DSC2: variants seen among roughly 807,000 people sequenced by gnomAD.
The protein encoded by DSC2 is desmocollin-2.
A neutral mutation model predicts 87.6 loss-of-function variants in DSC2; 51 were observed. The observed-to-expected ratio is 0.58, with a 90% CI of 0.46 to 0.74. The LOEUF (loss-of-function observed/expected upper bound fraction) is 0.74. Among genes scored for constraint, DSC2 ranks in the 30% least tolerant of loss-of-function variants. The pLI, the probability that DSC2 is intolerant of heterozygous loss-of-function variation, is 0.00. For synonymous variants in DSC2, 383 were observed against 393.2 expected, an observed-to-expected ratio of 0.97 and a Z score of 0.31; for missense variants, 1,066 against 1,089.5, an observed-to-expected ratio of 0.98 and a Z score of 0.30.
Position 31,078,063 on chromosome 18 carries a change from G to C in DSC2, c.1663+1784C>G, listed in dbSNP as rs1442783161. ...GCCTTGAGAGAGAGTTTTAAAAAGAGGAAGCAATTGCTGCGGAGATGTAGG... is the reference window on the plus strand; with the variant it reads ...GCCTTGAGAGAGAGTTTTAAAAAGACGAAGCAATTGCTGCGGAGATGTAGG... On this transcript the variant is annotated intron_variant, in intron 11 of 15. Transcript: ENST00000280904. Among the ~76,000 whole-genome samples, 4 of 152,114 alleles carry C rather than the reference G, an allele frequency of 2.6e-5. No homozygotes were observed. In the East Asian group the frequency reaches 7.7e-4, roughly 29 times the overall value.
chr18:31,099,105 A>G (rs1987853258), intron 1 of DSC2, among the ~76,000 whole-genome samples: 1 of 152,244 alleles, frequency 6.6e-6, no homozygotes, highest in Non-Finnish European at 1.5e-5. Context: ...CACAGTCAGT[A>G]GAGTGATACA....
chr18:31,069,350 A>G (rs1253052774), intron 14 of DSC2, among the ~76,000 whole-genome samples, 199 bp from the exon 15 acceptor site: 1 of 152,188 alleles, frequency 6.6e-6, no homozygotes, highest in Non-Finnish European at 1.5e-5. Flanking sequence ...TAGCCACACA[A>G]GCAAACTGTC....
At chr18:31,089,076 G>C (rs771066268) in intron 5 of DSC2, among the ~76,000 whole-genome samples, 1 of 148,440 alleles carries the variant, frequency 6.7e-6, no homozygotes, top group African/African-American at 2.5e-5. Context: ...AAGGTGGGAG[G>C]ATCACTTGAA....
At position 31,071,664 on chromosome 18, in the gene DSC2, C is replaced by T; in HGVS notation, c.2066G>A (p.Gly689Glu). ...HRVDPRIGGG[G>E]VQLGKWAILA... ...GATGGCCCACTTTCCAAGTTGTACT[C>T]CTCCACCGCCAATCCTTGGATCTAC... The change falls in exon 13 of 16, where the codon GGA (glycine) becomes GAA (glutamate). Residue 689 changes from glycine (G) to glutamate (E), a missense_variant. Gly to Glu is a moderately conservative substitution (Grantham distance 98). Coordinates refer to ENST00000280904, the MANE Select transcript of DSC2 (RefSeq NM_024422.6). 1 of 1,596,878 alleles carries T rather than the reference C, an allele frequency of 6.3e-7. No homozygotes were observed. Among genetic ancestry groups the T allele is most frequent in the Non-Finnish European group, 8.5e-7 (1 of 1,172,720 alleles).
At chr18:31,091,879 T>A (rs947846093) in intron 3 of DSC2, among the ~76,000 whole-genome samples, 8 of 152,154 alleles carry the variant, frequency 5.3e-5, no homozygotes, top group African/African-American at 1.9e-4. Flanking sequence ...CTGTACCTTA[T>A]CCCAATTTCT....
intron 11 of DSC2, among the ~76,000 whole-genome samples, chr18:31,076,997 A>G (rs1489171486): frequency 2.6e-5 from 4 of 152,188 alleles, no homozygotes; most frequent in African/African-American, 9.7e-5. Flanking sequence ...TCACTTAAGT[A>G]TGAGGCCAAT....
In DSC2 at chr18:31,089,584, T is replaced by A; in HGVS notation, c.485A>T (p.Asp162Val). Residue 162 changes from aspartate (D) to valine (V), a missense_variant, in exon 5 of 16, where the codon GAC becomes GTC. Asp to Val is a radical substitution (Grantham distance 152). Coordinates refer to ENST00000280904, the MANE Select transcript of DSC2 (RefSeq NM_024422.6). ...FPLFLQQVQS[D>V]TAQNYTIYYS... is the part of the protein sequence containing the mutation. ...GTATATGGTATAGTTTTGGGCCGTGTCAGATTGAACCTAGAAAGTAGATAT... is the reference window on the plus strand; with the variant it reads ...GTATATGGTATAGTTTTGGGCCGTGACAGATTGAACCTAGAAAGTAGATAT... 3 of 1,613,826 alleles carry A rather than the reference T, an allele frequency of 1.9e-6. No individual in the cohort carries two copies. In the South Asian group the frequency reaches 3.3e-5, roughly 18 times the overall value.
intron 1 of DSC2, 100 bp from the exon 2 acceptor site, chr18:31,093,743 TA>T (rs1254440195): frequency 4.9e-6 from 2 of 411,670 alleles, no homozygotes; most frequent in African/African-American, 4.4e-5. Context: ...GATATACACA[TA>T]AAAAGGCATA....
rs142603907 is a variant in DSC2 at position 31,084,487 on chromosome 18, G to A, written c.943-1427C>T. 5.5e-4 allele frequency among the ~76,000 whole-genome samples: 84 copies of A among 152,204 alleles called. 1 individual carries two copies. Among genetic ancestry groups the A allele is most frequent in the Middle Eastern group, 6.8e-3 (2 of 294 alleles). On this transcript the variant is annotated intron_variant, in intron 7 of 15. Coordinates refer to ENST00000280904, the MANE Select transcript of DSC2 (RefSeq NM_024422.6). ...TTCTGATGTTTAAAGGGACTAAAAGGTTGTAGGCAACTGAAGAAAACCGGA... is the reference window on the plus strand; with the variant it reads ...TTCTGATGTTTAAAGGGACTAAAAGATTGTAGGCAACTGAAGAAAACCGGA...
rs78190086 is a variant in DSC2, at chr18:31,067,878, T to G, written c.*137A>C. 108 of 799,264 alleles carry G rather than the reference T, an allele frequency of 1.4e-4. No homozygotes were observed. The highest frequency in any genetic ancestry group is 1.9e-4 in the Non-Finnish European group (97 of 497,574). 49.5% of individuals were successfully genotyped at this position (799,264 alleles called of 1,614,324 possible). Reference sequence around the variant, plus strand: ...ATAGTGTCTCTCTGTAAATGTGCATTTGACCAAAGAGATTCCATCCAAATA... The same window carrying G: ...ATAGTGTCTCTCTGTAAATGTGCATGTGACCAAAGAGATTCCATCCAAATA... On this transcript the variant is annotated 3_prime_UTR_variant, in exon 16 of 16. Transcript: ENST00000280904.
chr18:31,076,609 A>G (rs1987024680), intron 11 of DSC2, among the ~76,000 whole-genome samples: 1 of 152,206 alleles, frequency 6.6e-6, no homozygotes, highest in South Asian at 2.1e-4. Flanking sequence ...AGTAGAAAAT[A>G]AACAGCAACA....
At chr18:31,100,581 G>T (rs1987907707) in intron 1 of DSC2, among the ~76,000 whole-genome samples, 1 of 152,170 alleles carries the variant, frequency 6.6e-6, no homozygotes, top group Non-Finnish European at 1.5e-5. Flanking sequence ...TTAAGGGTTT[G>T]AAGTCCATTG....
intron 9 of DSC2, among the ~76,000 whole-genome samples, chr18:31,081,822 TATG>T (rs1395596533): frequency 6.6e-6 from 1 of 152,114 alleles, no homozygotes; most frequent in African/African-American, 2.4e-5. Flanking sequence ...ATATACTGAA[TATG>T]ATGAACAAAC....
chr18:31,091,295 C>T (rs1331991077), intron 3 of DSC2, 148 bp from the exon 4 acceptor site: 4 of 845,862 alleles, frequency 4.7e-6, no homozygotes. Context: ...TAATCATCAA[C>T]ACTGCAAAAA....
At chr18:31,074,469 T>TGTGTGTGTG (rs1555637959) in intron 12 of DSC2, among the ~76,000 whole-genome samples, 4 of 94,508 alleles carry the variant, frequency 4.2e-5, no homozygotes, top group Non-Finnish European at 4.6e-5. Flanking sequence ...GTGTGTGTGT[T>TGTGTGTGTG]TGGAGTAGGA....
In DSC2 at chr18:31,102,107, G is replaced by A; in HGVS notation, c.-136C>T. On this transcript the variant is annotated 5_prime_UTR_variant, in exon 1 of 16. Transcript: ENST00000280904. ...GCGAGGCGGAGGAGGTGGGGCGCGC[G>A]GAGAGGTGCTTTTCTTAGCTTCTCT... 2 of 694,702 alleles carry A rather than the reference G, an allele frequency of 2.9e-6. No homozygotes were observed. The highest frequency in any genetic ancestry group is 3.4e-5 in the East Asian group (1 of 29,616). 43.0% of individuals were successfully genotyped at this position (694,702 alleles called of 1,614,324 possible). A position where few individuals can be genotyped will look rare whatever the true frequency, so the allele number is the denominator to read the frequency against.
At chr18:31,089,682 ATTAGT>A in intron 4 of DSC2, 88 bp from the exon 5 acceptor site, 3 of 1,262,862 alleles carry the variant, frequency 2.4e-6, no homozygotes, top group Non-Finnish European at 3.3e-6. Flanking sequence ...TTGCCATTTT[ATTAGT>A]TTAAATAATT....
intron 7 of DSC2, among the ~76,000 whole-genome samples, chr18:31,084,678 T>TTTC: frequency 6.6e-6 from 1 of 151,840 alleles, no homozygotes; most frequent in Non-Finnish European, 1.5e-5. Flanking sequence ...TTTTTTTTTT[T>TTTC]CCATAGAATG....
intron 14 of DSC2, among the ~76,000 whole-genome samples, chr18:31,069,769 C>T (rs1986765690): frequency 6.6e-6 from 1 of 151,030 alleles, no homozygotes; most frequent in South Asian, 2.1e-4. Flanking sequence ...TTCTTCAATC[C>T]TTCCTACATC....
Sources: allele counts gnomAD v4.1 joint callset (sites outside exome capture counted in the v4.1 genomes callset), GRCh38; gene constraint gnomAD v4.1.1; transcripts MANE v1.5; gene names NCBI Gene and HGNC (gene_info 2026-07-23, HGNC 2026-07-21).